NRG1: variants seen among roughly 807,000 people sequenced by gnomAD.
The protein encoded by NRG1 is neuregulin 1, also known as pro-neuregulin-1, membrane-bound isoform.
In NRG1, 18 loss-of-function variants were observed where a neutral mutation model predicts 63.8. The observed-to-expected ratio is 0.28, with a 90% CI of 0.19 to 0.42. The LOEUF is 0.42. NRG1 is among the 10% of genes least tolerant of loss of function. NRG1 has a pLI of 1.00. For missense variants in NRG1, 762 were observed against 814.7 expected, an observed-to-expected ratio of 0.94 and a Z score of 0.79; for synonymous variants, 302 against 301.3, an observed-to-expected ratio of 1.00 and a Z score of -0.02.
intron 1 of NRG1, among the ~76,000 whole-genome samples, chr8:32,396,939 T>C (rs1027518934): frequency 6.6e-6 from 1 of 152,216 alleles, no homozygotes; most frequent in African/African-American, 2.4e-5. Context: ...TTTTTTCTAT[T>C]ACTCACCTTA....
intron 1 of NRG1, among the ~76,000 whole-genome samples, chr8:31,868,561 G>A (rs1405925282): frequency 6.6e-6 from 1 of 152,138 alleles, no homozygotes; most frequent in East Asian, 1.9e-4. Context: ...CATATAATCA[G>A]TCCAGCCTGT....
At chr8:32,506,540 A>AG (rs1169048219) in intron 1 of NRG1, among the ~76,000 whole-genome samples, 11 of 152,222 alleles carry the variant, frequency 7.2e-5, no homozygotes, top group Non-Finnish European at 1.5e-4. Flanking sequence ...TGTCTCCAGG[A>AG]GGAAAAGGAT....
intron 1 of NRG1, among the ~76,000 whole-genome samples, chr8:32,243,616 G>A (rs1848335142): frequency 6.6e-6 from 1 of 152,068 alleles, no homozygotes; most frequent in African/African-American, 2.4e-5. Flanking sequence ...GCACATAGTA[G>A]TAAGATGTCA....
intron 5 of NRG1, among the ~76,000 whole-genome samples, chr8:32,655,261 G>A (rs1230641885): frequency 6.6e-6 from 1 of 152,154 alleles, no homozygotes. Context: ...AACTTTGAAG[G>A]AAGTGAAGAG....
At chr8:32,627,522 C>T (rs1849510438) in intron 5 of NRG1, among the ~76,000 whole-genome samples, 1 of 152,158 alleles carries the variant, frequency 6.6e-6, no homozygotes, top group Admixed American at 6.5e-5. Flanking sequence ...GTTGCCCAGA[C>T]AGGTTTCAAA....
At chr8:32,738,425 T>TACAC (rs35398326) in intron 6 of NRG1, among the ~76,000 whole-genome samples, 12,952 of 149,676 alleles carry the variant, frequency 0.087, 701 homozygotes, top group East Asian at 0.25. Context: ...GGTATATACA[T>TACAC]ACACACACAC....
chr8:32,600,966 G>C (rs1184788142), intron 2 of NRG1, among the ~76,000 whole-genome samples: 1 of 151,852 alleles, frequency 6.6e-6, no homozygotes, highest in Non-Finnish European at 1.5e-5. Flanking sequence ...TTACAGAAAA[G>C]AAAAAAAGAA....
At chr8:32,352,961 TACAG>T in intron 1 of NRG1, among the ~76,000 whole-genome samples, 1 of 148,100 alleles carries the variant, frequency 6.8e-6, no homozygotes, top group East Asian at 2.0e-4. Flanking sequence ...TATATATATA[TACAG>T]AGAGAGAGAG....
chr8:32,693,506 A>G (rs377416445), intron 5 of NRG1, among the ~76,000 whole-genome samples: 41 of 149,038 alleles, frequency 2.8e-4, no homozygotes, highest in South Asian at 1.7e-3. Flanking sequence ...GTGAGCCACC[A>G]CACCCGGCCA....
chr8:31,726,836 G>C (rs1284467093), intron 1 of NRG1, among the ~76,000 whole-genome samples: 1 of 152,094 alleles, frequency 6.6e-6, no homozygotes, highest in Non-Finnish European at 1.5e-5. Flanking sequence ...GGATGCCCCA[G>C]GGAGTGGGTG....
At chr8:32,436,635 C>G (rs2347501) in intron 1 of NRG1, among the ~76,000 whole-genome samples, 1 of 151,746 alleles carries the variant, frequency 6.6e-6, no homozygotes, top group Non-Finnish European at 1.5e-5. Context: ...TATGCCAGGT[C>G]TTTTTCTATG....
intron 3 of NRG1, among the ~76,000 whole-genome samples, chr8:32,608,927 C>T (rs1014261074): frequency 2.0e-5 from 3 of 152,106 alleles, no homozygotes; most frequent in Non-Finnish European, 4.4e-5. Context: ...AGTGAAATTC[C>T]GCAGACCAAG....
intron 1 of NRG1, among the ~76,000 whole-genome samples, chr8:32,100,758 A>G (rs1463931022): frequency 1.3e-5 from 2 of 152,190 alleles, no homozygotes; most frequent in African/African-American, 4.8e-5. Flanking sequence ...GATAAAATGT[A>G]TTCTAAATCC....
chr8:32,168,405 T>C (rs1839634625), intron 1 of NRG1, among the ~76,000 whole-genome samples: 1 of 152,240 alleles, frequency 6.6e-6, no homozygotes, highest in Non-Finnish European at 1.5e-5. Flanking sequence ...TCAATGGTAT[T>C]GCAAGTTGCA....
intron 1 of NRG1, among the ~76,000 whole-genome samples, chr8:32,430,607 G>A (rs1157011499): frequency 6.6e-6 from 1 of 152,096 alleles, no homozygotes; most frequent in Non-Finnish European, 1.5e-5. Flanking sequence ...CAAATATTGT[G>A]TTACGTTCAA....
At chr8:31,900,685 C>A (rs574500633) in intron 1 of NRG1, among the ~76,000 whole-genome samples, 1 of 152,214 alleles carries the variant, frequency 6.6e-6, no homozygotes, top group Middle Eastern at 3.4e-3. Flanking sequence ...TGAACATATC[C>A]CATCCTGACT....
At chr8:31,994,044 T>C (rs327327) in intron 1 of NRG1, among the ~76,000 whole-genome samples, 11,481 of 152,014 alleles carry the variant, frequency 0.076, 1,468 homozygotes, top group African/African-American at 0.26. Flanking sequence ...TTTGGCAGGG[T>C]CTAGTTGCCA....
intron 9 of NRG1, among the ~76,000 whole-genome samples, chr8:32,758,627 G>GAAGA (rs113292940): frequency 0.054 from 7,170 of 133,436 alleles, 630 homozygotes; most frequent in African/African-American, 0.19. Context: ...AAGAAAGAAA[G>GAAGA]AAGAGAGAAA....
At position 31,733,377 on chromosome 8, in the gene NRG1, C is replaced by CT. The variant is rs1814317069; in HGVS notation, c.37+93947dup. ...ATCAAATGGTAGTTCTTTAAACTCTCTAAGAATCTTTACAAAATCCTGCCA... is the reference window on the plus strand; with the variant it reads ...ATCAAATGGTAGTTCTTTAAACTCTCTTAAGAATCTTTACAAAATCCTGCCA... On this transcript the variant is annotated intron_variant, in intron 1 of 10. Coordinates refer to the NRG1 transcript ENST00000519301. Among the ~76,000 whole-genome samples the CT allele has an allele frequency of 2.0e-5, 3 of 152,212 alleles. No individual in the cohort carries two copies. The South Asian group carries it at 6.2e-4, about 32-fold the overall frequency.
Sources: allele counts gnomAD v4.1 joint callset (sites outside exome capture counted in the v4.1 genomes callset), GRCh38; gene constraint gnomAD v4.1.1; transcripts MANE v1.5; gene names NCBI Gene and HGNC (gene_info 2026-07-23, HGNC 2026-07-21).